EEF2K: variants seen among roughly 807,000 people sequenced by gnomAD.
EEF2K encodes alternative protein EEF2K.
Under a neutral mutation model 93.8 loss-of-function variants are expected in EEF2K, and 70 were observed. The ratio of observed to expected loss-of-function variants is 0.75; its 90% CI spans 0.62 to 0.91. The LOEUF (loss-of-function observed/expected upper bound fraction) is 0.91, where lower values mean the gene tolerates loss of function less well. Ranked by LOEUF, EEF2K falls within the 40% of genes least tolerant of loss-of-function variation. The pLI is 0.00. For missense variants in EEF2K, 935 were observed against 972.9 expected (o/e 0.96, Z 0.52); for synonymous variants, 376 against 380.8 (o/e 0.99, Z 0.15).
chr16:22,247,002 C>T (rs1295081807), intron 3 of EEF2K, among the ~76,000 whole-genome samples: 2 of 131,018 alleles, frequency 1.5e-5, no homozygotes, highest in Non-Finnish European at 3.1e-5. Flanking sequence ...CGCCCCACTG[C>T]ACTCCAGCCT....
At chr16:22,210,867 C>T (rs774981333) in intron 1 of EEF2K, among the ~76,000 whole-genome samples, 28 of 152,044 alleles carry the variant, frequency 1.8e-4, no homozygotes, top group Non-Finnish European at 3.5e-4. Context: ...TTCTAGGGAG[C>T]TGGGAGGAGT....
At chr16:22,253,851 C>T (rs567494289) in intron 6 of EEF2K, among the ~76,000 whole-genome samples, 17 of 152,144 alleles carry the variant, frequency 1.1e-4, no homozygotes, top group Admixed American at 1.0e-3. Flanking sequence ...GTAATCCCAG[C>T]ACTTTGGGAG....
intron 1 of EEF2K, among the ~76,000 whole-genome samples, chr16:22,222,626 T>C (rs933699502): frequency 6.6e-6 from 1 of 150,978 alleles, no homozygotes; most frequent in South Asian, 2.1e-4. Flanking sequence ...TCCCAGCACT[T>C]TGGGAGGCTG....
intron 2 of EEF2K, among the ~76,000 whole-genome samples, chr16:22,228,073 G>A (rs1217339320): frequency 1.4e-5 from 2 of 140,492 alleles, no homozygotes; most frequent in African/African-American, 5.4e-5. Flanking sequence ...GAGTGCAGTG[G>A]CACAATCTCA....
chr16:22,264,262 A>G (rs1419995370), intron 12 of EEF2K, among the ~76,000 whole-genome samples: 1 of 136,478 alleles, frequency 7.3e-6, no homozygotes, highest in Non-Finnish European at 1.5e-5. Context: ...GCTGCACTCC[A>G]GCCTGGACCA....
chr16:22,231,955 A>G (rs2047119500), intron 2 of EEF2K, among the ~76,000 whole-genome samples: 1 of 139,390 alleles, frequency 7.2e-6, no homozygotes, highest in Admixed American at 8.3e-5. Context: ...GCGCCATTGC[A>G]CTCCAGCCTG....
intron 1 of EEF2K, among the ~76,000 whole-genome samples, chr16:22,222,453 C>T (rs960061365): frequency 7.9e-5 from 12 of 151,982 alleles, no homozygotes; most frequent in African/African-American, 2.2e-4. Context: ...AAGCGATCCT[C>T]CCACCTCGGC....
rs547899459 is a variant in EEF2K, at chr16:22,266,889, C to T, written c.1764+13C>T. 63 of 1,588,986 alleles carry T rather than the reference C, an allele frequency of 4.0e-5. No individual in the cohort carries two copies. The Admixed American group carries it at 6.5e-4, about 17-fold the overall frequency. On this transcript the variant is annotated intron_variant, in intron 15 of 17. Transcript: ENST00000263026. ...TGTCTCTCTGAAGGTGAGCAGGTGG[C>T]GGGGACCCAGCTGCAGGTGGGGGTG... is the stretch of plus-strand genomic sequence containing the variant.
Position 22,288,685 on chromosome 16 carries a change from T to C in EEF2K, c.*4689T>C, listed in dbSNP as rs2047771851. Reference sequence around the variant, plus strand: ...CCTGCGTTACAGATTTATTTTGGCATATGTACTAAGTTCCATTTTCTCTTT... The same window carrying C: ...CCTGCGTTACAGATTTATTTTGGCACATGTACTAAGTTCCATTTTCTCTTT... On this transcript the variant is annotated 3_prime_UTR_variant, in exon 18 of 18. Transcript: ENST00000263026. 4 of 152,214 alleles carry C rather than the reference T, an allele frequency of 2.6e-5. No individual in the cohort carries two copies. The highest frequency in any genetic ancestry group is 3.4e-3 in the Middle Eastern group (1 of 294). The allele number at this position is 152,214 out of a possible 1,614,324, so 9.4% of individuals were successfully genotyped here. A position where few individuals can be genotyped will look rare whatever the true frequency, so the allele number is the denominator to read the frequency against.
In EEF2K at chr16:22,225,887, A is replaced by G. The variant is rs201562293; in HGVS notation, c.158A>G (p.Asn53Ser). ...GACCCAAGCTCGAACCAGAATGTCA[A>G]TTCCAAGGTTAATAAGTACTACAGC... is the stretch of plus-strand genomic sequence containing the variant. ...TDDPSSNQNV[N>S]SKVNKYYSNL... The change falls in exon 2 of 18, where the codon AAT (asparagine) becomes AGT (serine). Residue 53 changes from asparagine (N) to serine (S), a missense_variant. Transcript: ENST00000263026. The G allele has an allele frequency of 1.4e-5, 22 of 1,614,196 alleles. No individual in the cohort carries two copies. The highest frequency in any genetic ancestry group is 2.2e-5 in the East Asian group (1 of 44,886).
intron 1 of EEF2K, among the ~76,000 whole-genome samples, chr16:22,217,181 AAAG>A (rs2046965589): frequency 7.0e-6 from 1 of 142,608 alleles, no homozygotes; most frequent in Non-Finnish European, 1.5e-5. Flanking sequence ...AAAAAAAAAA[AAAG>A]AATCAGGAAG....
chr16:22,275,078 A>T (rs1353713073), intron 16 of EEF2K, among the ~76,000 whole-genome samples: 43 of 152,120 alleles, frequency 2.8e-4, no homozygotes, highest in Admixed American at 2.8e-3. Context: ...GACTGACATG[A>T]TTGTATTAGG....
chr16:22,260,327 T>G, intron 10 of EEF2K, 135 bp from the exon 11 acceptor site: 1 of 799,290 alleles, frequency 1.3e-6, no homozygotes. Context: ...TTCTTCTCCT[T>G]TTTTGTGCCT....
chr16:22,269,433 GCT>G (rs1454668386), intron 15 of EEF2K, among the ~76,000 whole-genome samples: 1 of 149,602 alleles, frequency 6.7e-6, no homozygotes, highest in Non-Finnish European at 1.5e-5. Context: ...TTTCAGTCTT[GCT>G]CTGTCATCCA....
intron 2 of EEF2K, among the ~76,000 whole-genome samples, chr16:22,231,994 C>CAA (rs2047120109): frequency 3.6e-5 from 1 of 28,090 alleles, no homozygotes; most frequent in Non-Finnish European, 6.8e-5. Flanking sequence ...CTGTCTTAAA[C>CAA]AAACAAAAAA....
At chr16:22,263,305 T>A in intron 12 of EEF2K, 118 bp downstream of exon 12, 1 of 887,016 alleles carries the variant, frequency 1.1e-6, no homozygotes, top group South Asian at 1.9e-5. Context: ...AGATAACAAG[T>A]AAATTAATAA....
intron 2 of EEF2K, among the ~76,000 whole-genome samples, chr16:22,234,724 C>T (rs1261091325): frequency 1.3e-5 from 2 of 151,988 alleles, no homozygotes; most frequent in African/African-American, 2.4e-5. Flanking sequence ...CCATCACGCT[C>T]TAATATACAC....
rs2047410953 is a variant in EEF2K at position 22,257,245 on chromosome 16, C to T, written c.769-8C>T. 1 of 1,614,020 alleles carries T rather than the reference C, an allele frequency of 6.2e-7. No individual in the cohort carries two copies. Among genetic ancestry groups the T allele is most frequent in the African/African-American group, 1.3e-5 (1 of 74,914 alleles). ...TTGACATCTCGTTTTCCTTCCTGTCCCCTGTAGGCCTTCAGCCACTTCACT... is the reference window on the plus strand; with the variant it reads ...TTGACATCTCGTTTTCCTTCCTGTCTCCTGTAGGCCTTCAGCCACTTCACT... On this transcript the variant is annotated splice_polypyrimidine_tract_variant and splice_region_variant and intron_variant, in intron 7 of 17. Coordinates refer to ENST00000263026, the MANE Select transcript of EEF2K (RefSeq NM_013302.5).
chr16:22,220,754 A>C (rs1273316898), intron 1 of EEF2K, among the ~76,000 whole-genome samples: 1 of 151,942 alleles, frequency 6.6e-6, no homozygotes, highest in Non-Finnish European at 1.5e-5. Flanking sequence ...CCTGGATCTG[A>C]GCTTTTAACC....
Sources: allele counts gnomAD v4.1 joint callset (sites outside exome capture counted in the v4.1 genomes callset), GRCh38; gene constraint gnomAD v4.1.1; transcripts MANE v1.5; gene names NCBI Gene and HGNC (gene_info 2026-07-23, HGNC 2026-07-21).